Variants in OLA1 observed in about 807,000 individuals in gnomAD.
OLA1 encodes obg-like ATPase 1.
OLA1 carries 14 observed loss-of-function variants against 48.4 expected under a neutral mutation model. That is an observed-to-expected ratio of 0.29 (90% CI 0.19 to 0.45). OLA1 has a LOEUF of 0.45. Among genes scored for constraint, OLA1 ranks in the 20% least tolerant of loss-of-function variants. OLA1 has a pLI of 1.00. For missense variants in OLA1, 325 were observed against 467.1 expected (o/e 0.70, Z 2.80); for synonymous variants, 127 against 150.4 (o/e 0.84, Z 1.14).
chr2:174,113,586 T>TA (rs905101009), intron 7 of OLA1, among the ~76,000 whole-genome samples: 20 of 151,548 alleles, frequency 1.3e-4, no homozygotes, highest in African/African-American at 2.9e-4. Flanking sequence ...CTTATTATCC[T>TA]AAAAAAAAAC....
intron 10 of OLA1, 39 bp downstream of exon 10, chr2:174,078,929 G>T (rs1465158154): frequency 6.3e-7 from 1 of 1,575,152 alleles, no homozygotes; most frequent in Non-Finnish European, 8.6e-7. Context: ...CGCATCAGTG[G>T]AAACATTGTG....
intron 4 of OLA1, among the ~76,000 whole-genome samples, chr2:174,221,297 A>G (rs945004512): frequency 1.3e-5 from 2 of 152,192 alleles, no homozygotes; most frequent in African/African-American, 2.4e-5. Context: ...AAATCACATC[A>G]AATGAATATT....
chr2:174,129,712 A>G (rs893726151), intron 5 of OLA1, among the ~76,000 whole-genome samples: 1 of 152,138 alleles, frequency 6.6e-6, no homozygotes, highest in Non-Finnish European at 1.5e-5. Context: ...TTAACCAACA[A>G]ATATCACTGT....
intron 2 of OLA1, among the ~76,000 whole-genome samples, chr2:174,242,944 C>T (rs1338853808): frequency 6.6e-6 from 1 of 152,088 alleles, no homozygotes; most frequent in Non-Finnish European, 1.5e-5. Flanking sequence ...AGCACGGTGG[C>T]TCACACCTGT....
intron 7 of OLA1, among the ~76,000 whole-genome samples, chr2:174,101,170 C>T (rs189678969): frequency 7.4e-4 from 113 of 152,288 alleles, no homozygotes; most frequent in Non-Finnish European, 1.2e-3. Flanking sequence ...GTTCCCCTTC[C>T]TTATCCACAC....
intron 4 of OLA1, among the ~76,000 whole-genome samples, chr2:174,217,480 C>A (rs1363483710): frequency 6.6e-6 from 1 of 152,110 alleles, no homozygotes; most frequent in Non-Finnish European, 1.5e-5. Context: ...CAAAGCTCCC[C>A]TAAAAGGAAA....
intron 2 of OLA1, among the ~76,000 whole-genome samples, chr2:174,229,652 A>C (rs1169881925): frequency 6.6e-6 from 1 of 152,240 alleles, no homozygotes; most frequent in Non-Finnish European, 1.5e-5. Flanking sequence ...ATGACTTATA[A>C]TTAGGTTATT....
intron 4 of OLA1, among the ~76,000 whole-genome samples, chr2:174,159,251 G>A (rs993581651): frequency 2.6e-5 from 4 of 152,142 alleles, no homozygotes; most frequent in Non-Finnish European, 5.9e-5. Context: ...TTATGATATA[G>A]CATATGAAAC....
intron 4 of OLA1, among the ~76,000 whole-genome samples, chr2:174,191,822 C>G (rs145519230): frequency 6.6e-6 from 1 of 152,246 alleles, no homozygotes; most frequent in Non-Finnish European, 1.5e-5. Flanking sequence ...CGTGCATTAT[C>G]TAAATTCTTC....
At chr2:174,236,394 T>C (rs1377856120) in intron 2 of OLA1, among the ~76,000 whole-genome samples, 3 of 151,864 alleles carry the variant, frequency 2.0e-5, no homozygotes, top group African/African-American at 7.3e-5. Flanking sequence ...TAAAATGAAA[T>C]TGAAATGAAA....
chr2:174,218,144 G>A (rs1304245832), intron 4 of OLA1, among the ~76,000 whole-genome samples: 1 of 152,050 alleles, frequency 6.6e-6, no homozygotes, highest in Non-Finnish European at 1.5e-5. Context: ...TGAGTAGCTA[G>A]GATTACCAGC....
chr2:174,111,730 T>C (rs1160641745), intron 7 of OLA1, among the ~76,000 whole-genome samples: 3 of 152,188 alleles, frequency 2.0e-5, no homozygotes, highest in Non-Finnish European at 4.4e-5. Context: ...TCTCACACAC[T>C]TCCCTACTCC....
chr2:174,126,482 T>G (rs1686046787), intron 5 of OLA1, among the ~76,000 whole-genome samples: 1 of 152,202 alleles, frequency 6.6e-6, no homozygotes, highest in South Asian at 2.1e-4. Context: ...AAATAAATTC[T>G]GTACATTATA....
intron 4 of OLA1, among the ~76,000 whole-genome samples, chr2:174,186,179 T>A (rs916138595): frequency 1.3e-5 from 2 of 152,218 alleles, no homozygotes; most frequent in African/African-American, 4.8e-5. Context: ...TAAGTTAACA[T>A]ATAAATTTAT....
intron 2 of OLA1, among the ~76,000 whole-genome samples, chr2:174,244,907 C>T (rs1187562758): frequency 6.6e-6 from 1 of 152,186 alleles, no homozygotes; most frequent in Admixed American, 6.5e-5. Context: ...GCTGAGATTA[C>T]AGGCATGAAT....
At chr2:174,219,552 C>T (rs1427679845) in intron 4 of OLA1, among the ~76,000 whole-genome samples, 1 of 150,726 alleles carries the variant, frequency 6.6e-6, no homozygotes, top group Non-Finnish European at 1.5e-5. Context: ...AATCCAGCCT[C>T]GAGTAGCTGA....
chr2:174,224,971 T>A (rs1481617936), intron 3 of OLA1, among the ~76,000 whole-genome samples: 1 of 152,210 alleles, frequency 6.6e-6, no homozygotes, highest in African/African-American at 2.4e-5. Flanking sequence ...ACTCATATGA[T>A]AAATATGAAG....
chr2:174,084,922 TG>T (rs1273966872), intron 7 of OLA1, among the ~76,000 whole-genome samples: 1 of 152,192 alleles, frequency 6.6e-6, no homozygotes, highest in East Asian at 1.9e-4. Context: ...TCAAATTATA[TG>T]GTGGGTGGGA....
chr2:174,229,024 C>T (rs1311244004), intron 3 of OLA1, among the ~76,000 whole-genome samples: 2 of 152,058 alleles, frequency 1.3e-5, no homozygotes, highest in African/African-American at 4.8e-5. Flanking sequence ...TTACAGGCAC[C>T]TGCCACCACA....
Sources: allele counts gnomAD v4.1 joint callset (sites outside exome capture counted in the v4.1 genomes callset), GRCh38; gene constraint gnomAD v4.1.1; transcripts MANE v1.5; gene names NCBI Gene and HGNC (gene_info 2026-07-23, HGNC 2026-07-21).